Variants in PDLIM3 observed in about 807,000 individuals in gnomAD.
PDLIM3 encodes PDZ and LIM domain 3, also known as PDZ and LIM domain protein 3.
A neutral mutation model predicts 37.3 loss-of-function variants in PDLIM3; 36 were observed. The ratio of observed to expected loss-of-function variants is 0.97; its 90% CI spans 0.74 to 1.28. PDLIM3 has a LOEUF of 1.28. Among genes scored for constraint, PDLIM3 ranks in the 50% most tolerant of loss-of-function variants. The pLI, the probability that PDLIM3 is intolerant of heterozygous loss-of-function variation, is 0.00. For synonymous variants in PDLIM3, 174 were observed against 182.4 expected (o/e 0.95, Z 0.37); for missense variants, 454 against 485.0 (o/e 0.94, Z 0.60).
At chr4:185,507,169 T>C (rs1171908239) in intron 5 of PDLIM3, 1 of 153,346 alleles carries the variant, frequency 6.5e-6, no homozygotes, top group Non-Finnish European at 1.5e-5. Flanking sequence ...CCCCTGGAAA[T>C]AACAAGGGTA....
At chr4:185,517,715 A>T (rs2095717069) in intron 3 of PDLIM3, 2 of 152,096 alleles carry the variant, frequency 1.3e-5, no homozygotes, top group African/African-American at 4.8e-5. Flanking sequence ...TTTTACATTC[A>T]GATCATAAAA....
intron 1 of PDLIM3, among the ~76,000 whole-genome samples, chr4:185,526,589 C>G (rs2095734590): frequency 6.6e-6 from 1 of 152,196 alleles, no homozygotes; most frequent in African/African-American, 2.4e-5. Flanking sequence ...ATTCTTTTGA[C>G]CAGTATACCT....
chr4:185,500,914 T>C lies in PDLIM3; in HGVS notation c.*1380A>G, dbSNP rs1580226954. ...GGCCAGAAGTTAGCAGCTGTGGGGGTTGAGGGGTGGTAGAGATGACCATGT... is the reference window on the plus strand; with the variant it reads ...GGCCAGAAGTTAGCAGCTGTGGGGGCTGAGGGGTGGTAGAGATGACCATGT... On this transcript the variant is annotated 3_prime_UTR_variant, in exon 8 of 8. Transcript: ENST00000284767. 1 of 151,890 alleles carries C rather than the reference T, an allele frequency of 6.6e-6. No individual in the cohort carries two copies. The highest frequency in any genetic ancestry group is 6.6e-5 in the Admixed American group (1 of 15,214). The allele number at this position is 151,890 out of a possible 1,614,324, so 9.4% of individuals were successfully genotyped here. A position where few individuals can be genotyped will look rare whatever the true frequency, so the allele number is the denominator to read the frequency against.
intron 3 of PDLIM3, chr4:185,517,646 C>T (rs540269497): frequency 1.1e-3 from 163 of 151,236 alleles, no homozygotes; most frequent in African/African-American, 3.7e-3. Flanking sequence ...TTTGGTTACA[C>T]ATATATTGCA....
intron 4 of PDLIM3, chr4:185,512,620 T>C (rs1033511919): frequency 5.8e-5 from 56 of 958,334 alleles, no homozygotes; most frequent in Middle Eastern, 5.3e-4. Context: ...TTAAATGTTA[T>C]AGGTTTTTAG....
chr4:185,514,066 T>C lies in PDLIM3; in HGVS notation c.398+204A>G. On this transcript the variant is annotated intron_variant, in intron 4 of 7. Transcript: ENST00000284767. The surrounding 1 kb of genome is among the most constrained non-coding windows in gnomAD (Gnocchi z 4.0). ...GATTGCATACAATTTCACAGCTCTG[T>C]CATCTTGTCAATATTTACTCTTGGA... is the stretch of plus-strand genomic sequence containing the variant. 1 of 1,463,758 alleles carries C rather than the reference T, an allele frequency of 6.8e-7. No homozygotes were observed. Among genetic ancestry groups the C allele is most frequent in the Non-Finnish European group, 9.0e-7 (1 of 1,111,802 alleles). 90.7% of individuals were successfully genotyped at this position (1,463,758 alleles called of 1,614,324 possible).
At chr4:185,526,341 T>C (rs577462514) in intron 1 of PDLIM3, among the ~76,000 whole-genome samples, 54 of 152,288 alleles carry the variant, frequency 3.5e-4, no homozygotes, top group African/African-American at 1.2e-3. Flanking sequence ...AATTAAACCA[T>C]AGCAGCAATT....
intron 1 of PDLIM3, among the ~76,000 whole-genome samples, chr4:185,530,989 TAC>T (rs374546592): frequency 0.06 from 1,311 of 21,708 alleles, 13 homozygotes; most frequent in Middle Eastern, 0.15. Context: ...CACACACACA[TAC>T]ACACACACAC....
At chr4:185,503,384 A>G (rs2153331092) in intron 7 of PDLIM3, among the ~76,000 whole-genome samples, 1 of 152,218 alleles carries the variant, frequency 6.6e-6, no homozygotes, top group South Asian at 2.1e-4. Context: ...GCACTGTTGT[A>G]TTTTACTGAG....
chr4:185,524,265 A>G (rs10018912), intron 2 of PDLIM3, among the ~76,000 whole-genome samples: 22,575 of 152,230 alleles, frequency 0.15, 1,857 homozygotes, highest in Middle Eastern at 0.24. Context: ...TTATGCATAG[A>G]GAGTGAAAGA....
In PDLIM3 at chr4:185,514,449, A is replaced by G. The variant is rs186364739; in HGVS notation, c.331-112T>C. 6.4e-4 allele frequency: 1,023 copies of G among 1,601,906 alleles called. 1 individual carries two copies. The highest frequency in any genetic ancestry group is 8.1e-4 in the Non-Finnish European group (954 of 1,172,000). ...GGATCATTTACCACCAACTACTGTC[A>G]TAACTAAGAAAGGCGATGACGGGAC... On this transcript the variant is annotated intron_variant, in intron 3 of 7. Coordinates refer to ENST00000284767, the MANE Select transcript of PDLIM3 (RefSeq NM_014476.6). The surrounding 1 kb of genome is among the most constrained non-coding windows in gnomAD (Gnocchi z 4.0).
At chr4:185,522,930 G>T in intron 3 of PDLIM3, among the ~76,000 whole-genome samples, 1 of 152,120 alleles carries the variant, frequency 6.6e-6, no homozygotes, top group Non-Finnish European at 1.5e-5. Flanking sequence ...AATGTAGAAT[G>T]AGATCTGGGT....
intron 4 of PDLIM3, chr4:185,512,663 A>G: frequency 2.0e-6 from 2 of 985,054 alleles, no homozygotes; most frequent in Non-Finnish European, 2.4e-6. Context: ...CTAACGTATC[A>G]CTTTATTCAA....
chr4:185,530,761 C>T (rs1264401365), intron 1 of PDLIM3, among the ~76,000 whole-genome samples: 2 of 152,092 alleles, frequency 1.3e-5, no homozygotes, highest in Admixed American at 6.5e-5. Context: ...GGTCATGGAT[C>T]ATCCCTTTGT....
intron 1 of PDLIM3, among the ~76,000 whole-genome samples, chr4:185,529,718 G>A (rs369803178): frequency 2.0e-5 from 3 of 152,144 alleles, no homozygotes; most frequent in East Asian, 1.9e-4. Context: ...AACCATCACC[G>A]TATTACTATT....
intron 3 of PDLIM3, among the ~76,000 whole-genome samples, chr4:185,517,885 A>C (rs1189182628): frequency 5.3e-5 from 8 of 152,234 alleles, no homozygotes; most frequent in African/African-American, 1.9e-4. Flanking sequence ...ATTCTATCCA[A>C]GGCTTACATC....
At chr4:185,520,516 C>T (rs2095722394) in intron 3 of PDLIM3, among the ~76,000 whole-genome samples, 1 of 25,388 alleles carries the variant, frequency 3.9e-5, no homozygotes, top group African/African-American at 4.5e-5. Flanking sequence ...AAATGTAGGA[C>T]ACAAGGGCTA....
chr4:185,533,194 AAG>A (rs1457140260), intron 1 of PDLIM3, among the ~76,000 whole-genome samples: 3 of 152,212 alleles, frequency 2.0e-5, no homozygotes, highest in Non-Finnish European at 2.9e-5. Flanking sequence ...CCTGGCAAGC[AAG>A]AGAGTACAAT....
chr4:185,531,626 T>C (rs2095744491), intron 1 of PDLIM3, among the ~76,000 whole-genome samples: 1 of 152,174 alleles, frequency 6.6e-6, no homozygotes, highest in Non-Finnish European at 1.5e-5. Context: ...CTAGCAGTAT[T>C]GCTGTCGTCT....
Sources: gnomAD v4.1 joint callset for allele counts (sites outside exome capture counted in the v4.1 genomes callset) on GRCh38, gnomAD v4.1.1 for gene constraint, Gnocchi (gnomAD v3.1) non-coding constraint, MANE v1.5 for transcripts, NCBI Gene and HGNC (gene_info 2026-07-23, HGNC 2026-07-21) for gene names.